Variants in IPMK observed in about 807,000 individuals in gnomAD.
IPMK encodes inositol polyphosphate multikinase.
IPMK carries 17 observed loss-of-function variants against 45.8 expected under a neutral mutation model. The observed-to-expected ratio is 0.37, with a 90% CI of 0.25 to 0.56. The LOEUF is 0.56. IPMK is among the 20% of genes least tolerant of loss of function. The pLI, the probability that IPMK is intolerant of heterozygous loss-of-function variation, is 0.79. For missense variants in IPMK, 399 were observed against 498.0 expected, an observed-to-expected ratio of 0.80 and a Z score of 1.89; for synonymous variants, 180 against 184.3, an observed-to-expected ratio of 0.98 and a Z score of 0.19.
chr10:58,218,460 C>T (rs745615201), intron 3 of IPMK, among the ~76,000 whole-genome samples: 2 of 152,152 alleles, frequency 1.3e-5, no homozygotes, highest in Non-Finnish European at 2.9e-5. Context: ...CAGATCCAGC[C>T]CCACTCTAGG....
intron 3 of IPMK, among the ~76,000 whole-genome samples, chr10:58,224,255 G>T (rs2790237): frequency 6.6e-6 from 1 of 151,894 alleles, no homozygotes; most frequent in East Asian, 1.9e-4. Context: ...ATTACATTTT[G>T]AAAACTCTCA....
rs183263411 is a variant in IPMK, at chr10:58,244,573, C to T, written c.191-6759G>A. 8.6e-4 allele frequency among the ~76,000 whole-genome samples: 130 copies of T among 151,200 alleles called. 1 individual carries two copies. The South Asian group carries it at 0.018, about 21-fold the overall frequency. ...GACCATCAAGAACAGGCCATGATGA[C>T]GATGGTGGTTTTGTCGAAAAAAAAG... On this transcript the variant is annotated intron_variant, in intron 1 of 5. Transcript: ENST00000373935.
At chr10:58,216,884 C>G (rs1329969341) in intron 3 of IPMK, among the ~76,000 whole-genome samples, 1 of 152,122 alleles carries the variant, frequency 6.6e-6, no homozygotes, top group Non-Finnish European at 1.5e-5. Context: ...CATGGTCTTG[C>G]TTTGTTGCCT....
Position 58,194,788 on chromosome 10 carries a change from TTAACATCAAA to T in IPMK, c.*1278_*1287del, listed in dbSNP as rs1156463498. Reference sequence around the variant, plus strand: ...AATGGAAGTGCAAGTAATGGCAGCATTAACATCAAATGTATTTGAAGACTCAAAGTTTTAA... The same window carrying T: ...AATGGAAGTGCAAGTAATGGCAGCATTGTATTTGAAGACTCAAAGTTTTAA... On this transcript the variant is annotated 3_prime_UTR_variant, in exon 6 of 6. Transcript: ENST00000373935. 2 of 151,954 alleles carry T rather than the reference TTAACATCAAA, an allele frequency of 1.3e-5. No individual in the cohort carries two copies. Among genetic ancestry groups the T allele is most frequent in the African/African-American group, 4.8e-5 (2 of 41,432 alleles). The allele number at this position is 151,954 out of a possible 1,614,324, so 9.4% of individuals were successfully genotyped here.
intron 1 of IPMK, among the ~76,000 whole-genome samples, chr10:58,259,596 T>G (rs1176987447): frequency 2.0e-5 from 3 of 148,024 alleles, no homozygotes; most frequent in African/African-American, 7.7e-5. Context: ...ACTTTGAGAG[T>G]CTGAGGTGGG....
chr10:58,251,769 A>G (rs1201219866), intron 1 of IPMK, among the ~76,000 whole-genome samples: 1 of 152,212 alleles, frequency 6.6e-6, no homozygotes, highest in African/African-American at 2.4e-5. Context: ...CACTGTTGAC[A>G]GTTTATTTTA....
chr10:58,196,485 CCTT>C lies in IPMK; in HGVS notation c.839_841del (p.Lys280_Gly281delinsArg). The C allele has an allele frequency of 6.2e-7, 1 of 1,614,020 alleles. No homozygotes were observed. The highest frequency in any genetic ancestry group is 8.5e-7 in the Non-Finnish European group (1 of 1,179,992). On this transcript the variant is annotated inframe_deletion, in exon 6 of 6. Coordinates refer to ENST00000373935, the MANE Select transcript of IPMK (RefSeq NM_152230.5). ...TAGTACTTCTGTGTCTGACAGTTGT[CCTT>C]TGGACAAAAACTTTTCTGCCAAAGT... is the stretch of plus-strand genomic sequence containing the variant.
chr10:58,236,893 G>C (rs1838621301), intron 2 of IPMK, among the ~76,000 whole-genome samples: 1 of 152,086 alleles, frequency 6.6e-6, no homozygotes, highest in Non-Finnish European at 1.5e-5. Context: ...AACAAAGTGA[G>C]ACCCCATCTC....
At position 58,214,344 on chromosome 10, in the gene IPMK, C is replaced by T. The variant is rs141759009; in HGVS notation, c.546+1801G>A. ...TGTTAGCAAGAAATTAAGGGAAATC[C>T]TGTTGGATGATTTTTATTTTTTCTA... On this transcript the variant is annotated intron_variant, in intron 4 of 5. Coordinates refer to ENST00000373935, the MANE Select transcript of IPMK (RefSeq NM_152230.5). Among the ~76,000 whole-genome samples, 3 of 152,222 alleles carry T rather than the reference C, an allele frequency of 2.0e-5. No individual in the cohort carries two copies. In the East Asian group the frequency reaches 5.8e-4, roughly 29 times the overall value.
chr10:58,220,263 C>A (rs1210583819), intron 3 of IPMK, among the ~76,000 whole-genome samples: 1 of 152,136 alleles, frequency 6.6e-6, no homozygotes, highest in Admixed American at 6.5e-5. Context: ...AGAGAGAGAT[C>A]TCCCTGGGCT....
chr10:58,221,238 C>A (rs535802021), intron 3 of IPMK, among the ~76,000 whole-genome samples: 2 of 152,152 alleles, frequency 1.3e-5, no homozygotes, highest in South Asian at 4.1e-4. Flanking sequence ...TGACCACTAA[C>A]CTCAAGTATG....
At chr10:58,225,023 T>C (rs1838391734) in intron 3 of IPMK, among the ~76,000 whole-genome samples, 1 of 152,166 alleles carries the variant, frequency 6.6e-6, no homozygotes, top group African/African-American at 2.4e-5. Context: ...CTTCCAGAGC[T>C]AACAAAGTAG....
intron 2 of IPMK, among the ~76,000 whole-genome samples, chr10:58,235,286 T>C (rs1233171404): frequency 1.3e-5 from 2 of 152,318 alleles, no homozygotes; most frequent in East Asian, 3.9e-4. Context: ...GAACTAGAAT[T>C]ACCATTTGAC....
Position 58,194,050 on chromosome 10 carries a change from C to G in IPMK, c.*2026G>C, listed in dbSNP as rs1253110097. ...GATCTATTGTATCAAAAAGGTAAGA[C>G]ATTGATTTTACAAAATTGTATTTCC... On this transcript the variant is annotated 3_prime_UTR_variant, in exon 6 of 6. Transcript: ENST00000373935. The G allele has an allele frequency of 1.3e-5, 2 of 151,722 alleles. No homozygotes were observed. Among genetic ancestry groups the G allele is most frequent in the African/African-American group, 4.8e-5 (2 of 41,412 alleles). The allele number at this position is 151,722 out of a possible 1,614,324, so 9.4% of individuals were successfully genotyped here. A position where few individuals can be genotyped will look rare whatever the true frequency, so the allele number is the denominator to read the frequency against.
chr10:58,227,073 C>T lies in IPMK; in HGVS notation c.343G>A (p.Gly115Ser), dbSNP rs200197200. ...GGTGCAGTGGGAGGTGACCAGATGC[C>T]ATAATATTTTGGCAAATATTTTCGT... ...ELRKYLPKYY[G>S]IWSPPTAPND... The change falls in exon 3 of 6, where the codon GGC becomes AGC. Residue 115 changes from glycine (G) to serine (S), a missense_variant. Around this residue, in one of 2 missense-constraint regions of IPMK, gnomAD observed 288 missense variants for 398.0 expected, o/e 0.72. Coordinates refer to ENST00000373935, the MANE Select transcript of IPMK (RefSeq NM_152230.5). The T allele has an allele frequency of 1.9e-6, 3 of 1,612,600 alleles. No individual in the cohort carries two copies. The highest frequency in any genetic ancestry group is 2.5e-6 in the Non-Finnish European group (3 of 1,179,038).
At chr10:58,206,275 T>C (rs1303594410) in intron 4 of IPMK, among the ~76,000 whole-genome samples, 1 of 152,118 alleles carries the variant, frequency 6.6e-6, no homozygotes, top group Non-Finnish European at 1.5e-5. Flanking sequence ...AGAAAATAGA[T>C]TAGTGGTTCC....
At chr10:58,206,354 G>GT (rs1205868987) in intron 4 of IPMK, among the ~76,000 whole-genome samples, 1 of 152,160 alleles carries the variant, frequency 6.6e-6, no homozygotes, top group Non-Finnish European at 1.5e-5. Flanking sequence ...TGCAGAAGTG[G>GT]TAAAAAATAC....
chr10:58,205,466 A>G (rs116526932), intron 4 of IPMK, among the ~76,000 whole-genome samples: 5,122 of 152,288 alleles, frequency 0.034, 141 homozygotes, highest in African/African-American at 0.077. Context: ...AGGAGATGCT[A>G]CTCGACACCT....
intron 4 of IPMK, among the ~76,000 whole-genome samples, chr10:58,206,878 T>G (rs966678996): frequency 6.6e-6 from 1 of 152,166 alleles, no homozygotes; most frequent in African/African-American, 2.4e-5. Flanking sequence ...TAGTATTTGG[T>G]TTTCCATTCT....
Sources: gnomAD v4.1 joint callset for allele counts (sites outside exome capture counted in the v4.1 genomes callset) on GRCh38, gnomAD v4.1.1 for gene constraint, gnomAD v4.1.1 regional missense constraint, MANE v1.5 for transcripts, NCBI Gene and HGNC (gene_info 2026-07-23, HGNC 2026-07-21) for gene names.